CD226: variants seen among roughly 807,000 people sequenced by gnomAD.
CD226 encodes the protein CD226 molecule.
Under a neutral mutation model 34.9 loss-of-function variants are expected in CD226, and 24 were observed. The ratio of observed to expected loss-of-function variants is 0.69; its 90% CI spans 0.50 to 0.97. The LOEUF is 0.97. Among genes scored for constraint, CD226 ranks in the 50% least tolerant of loss-of-function variants. The pLI, the probability that CD226 is intolerant of heterozygous loss-of-function variation, is 0.00. For synonymous variants in CD226, 148 were observed against 147.4 expected, an observed-to-expected ratio of 1.00 and a Z score of -0.03; for missense variants, 397 against 412.7, an observed-to-expected ratio of 0.96 and a Z score of 0.33.
chr18:69,869,329 A>G (rs1231042961), intron 4 of CD226, among the ~76,000 whole-genome samples: 4 of 152,246 alleles, frequency 2.6e-5, no homozygotes, highest in Non-Finnish European at 4.4e-5. Context: ...AGCCACAGAA[A>G]GAAATGAGAT....
intron 3 of CD226, among the ~76,000 whole-genome samples, chr18:69,882,661 T>C (rs770642454): frequency 5.3e-5 from 8 of 152,192 alleles, no homozygotes; most frequent in Non-Finnish European, 7.3e-5. Flanking sequence ...AGAGACTATA[T>C]AGATGCTTCA....
chr18:69,960,239 T>TAAAAA (rs552196121), upstream of CD226, among the ~76,000 whole-genome samples: 1 of 126,654 alleles, frequency 7.9e-6, no homozygotes. Flanking sequence ...GACTCCATCT[T>TAAAAA]AAAAAAAAAA....
chr18:69,961,581 C>G (rs1223391196), upstream of CD226: 1 of 152,212 alleles, frequency 6.6e-6, no homozygotes, highest in Admixed American at 6.5e-5. Context: ...AATCCACACC[C>G]TGGTTCTTAC....
chr18:69,942,244 A>G (rs2055734607), intron 2 of CD226, among the ~76,000 whole-genome samples: 1 of 152,230 alleles, frequency 6.6e-6, no homozygotes, highest in Non-Finnish European at 1.5e-5. Flanking sequence ...ATAAATCTCC[A>G]TGTATATACA....
At chr18:69,950,971 T>TGTGTGTG, upstream of CD226, among the ~76,000 whole-genome samples, 1 of 132,714 alleles carries the variant, frequency 7.5e-6, no homozygotes, top group African/African-American at 2.9e-5. Context: ...AACTATGATT[T>TGTGTGTG]TGTGTGTGTG....
At chr18:69,931,597 T>G (rs1390999682) in intron 2 of CD226, among the ~76,000 whole-genome samples, 2 of 152,110 alleles carry the variant, frequency 1.3e-5, no homozygotes, top group Non-Finnish European at 2.9e-5. Flanking sequence ...GAACCATGAG[T>G]GAAACTTTGA....
intron 3 of CD226, 24 bp from the exon 4 acceptor site, chr18:69,873,270 A>T (rs1204711656): frequency 8.1e-7 from 1 of 1,233,942 alleles, no homozygotes. Flanking sequence ...AAAATATTGT[A>T]GGAATTAGGA....
At chr18:69,929,652 T>C (rs1290803738) in intron 2 of CD226, among the ~76,000 whole-genome samples, 2 of 152,082 alleles carry the variant, frequency 1.3e-5, no homozygotes, top group Non-Finnish European at 2.9e-5. Context: ...ACCCAAGTTC[T>C]CTCTTGGGTT....
chr18:69,910,270 C>A (rs534173704), intron 2 of CD226, among the ~76,000 whole-genome samples: 42 of 152,338 alleles, frequency 2.8e-4, no homozygotes, highest in Non-Finnish European at 5.4e-4. Context: ...AACTTGACTT[C>A]ACAGTGGGAA....
chr18:69,897,231 A>G (rs1250406087), intron 2 of CD226, among the ~76,000 whole-genome samples: 1 of 152,222 alleles, frequency 6.6e-6, no homozygotes, highest in Non-Finnish European at 1.5e-5. Flanking sequence ...AACATGACAG[A>G]TATAGCGTAC....
chr18:69,913,075 GA>G (rs1302239882), intron 2 of CD226, among the ~76,000 whole-genome samples: 2 of 152,144 alleles, frequency 1.3e-5, no homozygotes, highest in African/African-American at 4.8e-5. Flanking sequence ...GATCACTTCT[GA>G]TGGGCAGATT....
At chr18:69,879,705 A>G (rs916491923) in intron 3 of CD226, among the ~76,000 whole-genome samples, 2 of 152,266 alleles carry the variant, frequency 1.3e-5, no homozygotes, top group African/African-American at 2.4e-5. Context: ...TTAAGAGATT[A>G]AAGTAAAGAC....
At chr18:69,924,653 T>G (rs2055497817) in intron 2 of CD226, among the ~76,000 whole-genome samples, 1 of 108,566 alleles carries the variant, frequency 9.2e-6, no homozygotes, top group African/African-American at 3.5e-5. Flanking sequence ...ATGGCTGAAC[T>G]GACAAAGTCA....
At chr18:69,881,827 G>A (rs1251391045) in intron 3 of CD226, among the ~76,000 whole-genome samples, 2 of 152,104 alleles carry the variant, frequency 1.3e-5, no homozygotes, top group Admixed American at 1.3e-4. Flanking sequence ...AATAATAGTA[G>A]CACAAAGTGT....
At chr18:69,961,754 A>T (rs1377677608), upstream of CD226, 1 of 152,234 alleles carries the variant, frequency 6.6e-6, no homozygotes, top group East Asian at 1.9e-4. Context: ...GACCTCAAGC[A>T]TCAGGCCCGG....
chr18:69,887,322 T>TACAC (rs5825978), intron 3 of CD226, among the ~76,000 whole-genome samples: 2 of 150,310 alleles, frequency 1.3e-5, no homozygotes, highest in African/African-American at 4.9e-5. Context: ...CACCTACACA[T>TACAC]ACACACACAC....
rs920274268 is a variant in CD226, at chr18:69,854,836, A to G, written c.*9478T>C. 3 of 152,404 alleles carry G rather than the reference A, an allele frequency of 2.0e-5. No homozygotes were observed. The highest frequency in any genetic ancestry group is 6.5e-5 in the Admixed American group (1 of 15,302). The allele number at this position is 152,404 out of a possible 1,614,324, so 9.4% of individuals were successfully genotyped here. ...TTTCCCACAGCTTAGTACTACACCA[A>G]CAGGGCTCCAGTATAGTAACAGTGA... On this transcript the variant is annotated 3_prime_UTR_variant, in exon 6 of 6. Coordinates refer to ENST00000582621, the MANE Select transcript of CD226 (RefSeq NM_001303618.2).
At chr18:69,953,350 G>A (rs2055869881) in intron 1 of CD226, among the ~76,000 whole-genome samples, 1 of 152,204 alleles carries the variant, frequency 6.6e-6, no homozygotes, top group African/African-American at 2.4e-5. Context: ...TGAACAAATT[G>A]TGATCAAATC....
At position 69,918,419 on chromosome 18, in the gene CD226, G is replaced by T. The variant is rs138915645; in HGVS notation, c.383-22374C>A. Among the ~76,000 whole-genome samples, 505 of 152,260 alleles carry T rather than the reference G, an allele frequency of 3.3e-3. 6 individuals carry two copies. Among genetic ancestry groups the T allele is most frequent in the African/African-American group, 0.011 (473 of 41,546 alleles). ...AATACAAAAATAAAATTAGCCAGGTGTGGTGGCAGGCACCTGTAATCCCAG... is the reference window on the plus strand; with the variant it reads ...AATACAAAAATAAAATTAGCCAGGTTTGGTGGCAGGCACCTGTAATCCCAG... On this transcript the variant is annotated intron_variant, in intron 2 of 5. Coordinates refer to ENST00000582621, the MANE Select transcript of CD226 (RefSeq NM_001303618.2).
Sources: gnomAD v4.1 joint callset for allele counts (sites outside exome capture counted in the v4.1 genomes callset) on GRCh38, gnomAD v4.1.1 for gene constraint, MANE v1.5 for transcripts, NCBI Gene and HGNC (gene_info 2026-07-23, HGNC 2026-07-21) for gene names.